Variants in ZDHHC14 observed in about 807,000 individuals in gnomAD.
ZDHHC14 encodes the protein zDHHC palmitoyltransferase 14.
ZDHHC14 carries 16 observed loss-of-function variants against 47.7 expected under a neutral mutation model. The observed-to-expected ratio is 0.34, with a 90% CI of 0.23 to 0.51. The LOEUF (loss-of-function observed/expected upper bound fraction) is 0.51, where lower values mean the gene tolerates loss of function less well. Among genes scored for constraint, ZDHHC14 ranks in the 20% least tolerant of loss-of-function variants. ZDHHC14 has a pLI of 0.97. For missense variants in ZDHHC14, 515 were observed against 662.5 expected (o/e 0.78, Z 2.44); for synonymous variants, 293 against 278.9 (o/e 1.05, Z -0.50).
At chr6:157,628,822 G>A (rs1012241709) in intron 4 of ZDHHC14, among the ~76,000 whole-genome samples, 1 of 152,098 alleles carries the variant, frequency 6.6e-6, no homozygotes, top group African/African-American at 2.4e-5. Context: ...TCCTGCTAAG[G>A]GGTCCCCTGG....
chr6:157,455,839 T>C (rs1388363211), intron 1 of ZDHHC14, among the ~76,000 whole-genome samples: 1 of 152,092 alleles, frequency 6.6e-6, no homozygotes, highest in African/African-American at 2.4e-5. Context: ...GAAAGGAAAT[T>C]AGAGAGAGAA....
intron 2 of ZDHHC14, among the ~76,000 whole-genome samples, chr6:157,578,235 G>A (rs927877801): frequency 6.6e-6 from 1 of 152,158 alleles, no homozygotes; most frequent in Non-Finnish European, 1.5e-5. Flanking sequence ...TGTTGCAATT[G>A]CTATTGGTGT....
At chr6:157,400,438 G>A (rs1777611499) in intron 1 of ZDHHC14, among the ~76,000 whole-genome samples, 1 of 152,132 alleles carries the variant, frequency 6.6e-6, no homozygotes, top group Non-Finnish European at 1.5e-5. Context: ...TCTACATCCA[G>A]CAGCACATCA....
intron 1 of ZDHHC14, among the ~76,000 whole-genome samples, chr6:157,465,757 G>T (rs1449308797): frequency 6.6e-6 from 1 of 152,134 alleles, no homozygotes; most frequent in Non-Finnish European, 1.5e-5. Flanking sequence ...AGAGAGAGGT[G>T]GGGGCTGGGC....
chr6:157,436,226 A>G (rs1355349129), intron 1 of ZDHHC14, among the ~76,000 whole-genome samples: 1 of 152,138 alleles, frequency 6.6e-6, no homozygotes, highest in Non-Finnish European at 1.5e-5. Flanking sequence ...TATTTGTAAA[A>G]TGGAGATAAT....
chr6:157,467,780 C>A lies in ZDHHC14; in HGVS notation c.246-74805C>A, dbSNP rs530339974. On this transcript the variant is annotated intron_variant, in intron 1 of 8. Coordinates refer to ENST00000359775, the MANE Select transcript of ZDHHC14 (RefSeq NM_024630.3). ...GGCCAGGCTGATCTGGAAATCCTGA[C>A]CTCAGGTAATCCGCCCATCCCGGCC... Among the ~76,000 whole-genome samples the A allele has an allele frequency of 4.2e-4, 64 of 152,150 alleles. 1 individual carries two copies. The South Asian group carries it at 9.5e-3, about 23-fold the overall frequency.
chr6:157,610,292 C>T (rs1295402291), intron 3 of ZDHHC14, among the ~76,000 whole-genome samples: 1 of 152,062 alleles, frequency 6.6e-6, no homozygotes, highest in African/African-American at 2.4e-5. Flanking sequence ...ATTAGTCAGG[C>T]GCGGTGGCAG....
chr6:157,522,985 T>C (rs1374274229), intron 1 of ZDHHC14, among the ~76,000 whole-genome samples: 138 of 36,750 alleles, frequency 3.8e-3, no homozygotes, highest in African/African-American at 0.025. Context: ...CTTTTCTTTT[T>C]CTTTTCTTTT....
intron 1 of ZDHHC14, among the ~76,000 whole-genome samples, chr6:157,460,265 G>A (rs552747990): frequency 1.8e-4 from 27 of 150,692 alleles, no homozygotes; most frequent in African/African-American, 6.3e-4. Flanking sequence ...CAAGCATGGC[G>A]GTGTGCACCT....
chr6:157,615,297 C>T (rs140520564), intron 3 of ZDHHC14, among the ~76,000 whole-genome samples: 2 of 152,188 alleles, frequency 1.3e-5, no homozygotes, highest in Admixed American at 6.5e-5. Flanking sequence ...GAGCTCCAGA[C>T]GTCTGTGCGG....
chr6:157,574,946 G>A (rs1783250557), intron 2 of ZDHHC14, among the ~76,000 whole-genome samples: 1 of 152,180 alleles, frequency 6.6e-6, no homozygotes, highest in Admixed American at 6.5e-5. Context: ...AGAAATACCT[G>A]GAGAAACAGA....
chr6:157,615,117 G>A (rs1046715567), intron 3 of ZDHHC14, among the ~76,000 whole-genome samples: 5 of 152,064 alleles, frequency 3.3e-5, no homozygotes, highest in Non-Finnish European at 5.9e-5. Flanking sequence ...ATTTTGCCAC[G>A]GGCCCCCGAC....
At chr6:157,490,267 C>T (rs1024418008) in intron 1 of ZDHHC14, among the ~76,000 whole-genome samples, 9 of 152,172 alleles carry the variant, frequency 5.9e-5, no homozygotes, top group African/African-American at 2.2e-4. Context: ...TGTTCATTCA[C>T]GGTTTTCCAA....
chr6:157,563,025 G>A (rs987955273), intron 2 of ZDHHC14, among the ~76,000 whole-genome samples: 2 of 152,196 alleles, frequency 1.3e-5, no homozygotes, highest in African/African-American at 4.8e-5. Context: ...CTGGGGCCAT[G>A]TGGATGTAGG....
intron 3 of ZDHHC14, among the ~76,000 whole-genome samples, chr6:157,619,687 C>T (rs2041670759): frequency 6.6e-6 from 1 of 150,448 alleles, no homozygotes; most frequent in Admixed American, 6.6e-5. Flanking sequence ...ATTGGTTTTA[C>T]ACTGAAATGT....
intron 2 of ZDHHC14, among the ~76,000 whole-genome samples, chr6:157,587,492 G>T (rs991987736): frequency 1.5e-4 from 23 of 152,326 alleles, no homozygotes; most frequent in African/African-American, 5.3e-4. Context: ...GTGCCAGGCA[G>T]ATGTGGCACC....
At chr6:157,390,403 T>A (rs1777399457) in intron 1 of ZDHHC14, among the ~76,000 whole-genome samples, 1 of 152,194 alleles carries the variant, frequency 6.6e-6, no homozygotes, top group Non-Finnish European at 1.5e-5. Context: ...CCGCTTGGGG[T>A]TTGCCGAGCT....
At chr6:157,459,565 G>A (rs1376471476) in intron 1 of ZDHHC14, among the ~76,000 whole-genome samples, 1 of 152,176 alleles carries the variant, frequency 6.6e-6, no homozygotes, top group Admixed American at 6.5e-5. Context: ...GATAAGGGAA[G>A]AGTTGGGGTT....
At chr6:157,530,384 A>C (rs975322937) in intron 1 of ZDHHC14, among the ~76,000 whole-genome samples, 10 of 152,188 alleles carry the variant, frequency 6.6e-5, no homozygotes, top group African/African-American at 2.4e-4. Flanking sequence ...TACCACGGGC[A>C]TTGTTTTAGG....
Sources: allele counts gnomAD v4.1 joint callset (sites outside exome capture counted in the v4.1 genomes callset), GRCh38; gene constraint gnomAD v4.1.1; transcripts MANE v1.5; gene names NCBI Gene and HGNC (gene_info 2026-07-23, HGNC 2026-07-21).